The following PDE3A variants were observed in gnomAD, a reference collection of about 807,000 sequenced individuals.
PDE3A encodes the protein phosphodiesterase 3A, also known as cGMP-inhibited 3',5'-cyclic phosphodiesterase 3A.
A neutral mutation model predicts 98.3 loss-of-function variants in PDE3A; 43 were observed. The ratio of observed to expected loss-of-function variants is 0.44; its 90% CI spans 0.34 to 0.56. PDE3A has a LOEUF of 0.56. PDE3A is among the 20% of genes least tolerant of loss of function. The pLI, the probability that PDE3A is intolerant of heterozygous loss-of-function variation, is 0.01. For synonymous variants in PDE3A, 663 were observed against 567.9 expected (o/e 1.17, Z -2.38); for missense variants, 1,427 against 1,440.7 (o/e 0.99, Z 0.15).
At chr12:20,419,825 G>T (rs934709730) in intron 1 of PDE3A, among the ~76,000 whole-genome samples, 1 of 142,172 alleles carries the variant, frequency 7.0e-6, no homozygotes, top group Non-Finnish European at 1.5e-5. Context: ...TGCAACATCT[G>T]CCTCCGAGGT....
chr12:20,609,549 C>A (rs1943796536), intron 2 of PDE3A, among the ~76,000 whole-genome samples: 1 of 151,948 alleles, frequency 6.6e-6, no homozygotes, highest in Admixed American at 6.6e-5. Context: ...TAGAAAAATG[C>A]AATCCTAAAA....
intron 1 of PDE3A, among the ~76,000 whole-genome samples, chr12:20,455,815 T>C (rs1945143424): frequency 6.6e-6 from 1 of 152,044 alleles, no homozygotes; most frequent in African/African-American, 2.4e-5. Context: ...GTCTAAGAGG[T>C]GGAGAGTAGA....
In PDE3A at chr12:20,668,476, T is replaced by G. The variant is rs1020488667; in HGVS notation, c.3185-11554T>G. Among the ~76,000 whole-genome samples the G allele has an allele frequency of 3.9e-5, 6 of 152,112 alleles. No individual in the cohort carries two copies. The East Asian group carries it at 5.8e-4, about 15-fold the overall frequency. ...CTGACAGCTTTGAAGAGAGCAGTGG[T>G]TCTCCCAGCATGCAGCTGGAGATCT... On this transcript the variant is annotated intron_variant, in intron 15 of 15. Transcript: ENST00000359062.
rs10841517 is a variant in PDE3A, at chr12:20,422,129, T to A, written c.960+51885T>A. Among the ~76,000 whole-genome samples, 36 of 152,100 alleles carry A rather than the reference T, an allele frequency of 2.4e-4. No individual in the cohort carries two copies. In the East Asian group the frequency reaches 2.9e-3, roughly 12 times the overall value. ...TGGGAGGCCGAGGTGGGCGGATCACTAGGTCAGGAGATCGAGACCATCCTG... is the reference window on the plus strand; with the variant it reads ...TGGGAGGCCGAGGTGGGCGGATCACAAGGTCAGGAGATCGAGACCATCCTG... On this transcript the variant is annotated intron_variant, in intron 1 of 15. Coordinates refer to ENST00000359062, the MANE Select transcript of PDE3A (RefSeq NM_000921.5).
intron 2 of PDE3A, among the ~76,000 whole-genome samples, chr12:20,597,395 A>C (rs2121396681): frequency 6.6e-6 from 1 of 152,280 alleles, no homozygotes; most frequent in East Asian, 1.9e-4. Context: ...ATAGGGGCTC[A>C]AGATTTTGAG....
At chr12:20,391,020 G>C (rs1943903977) in intron 1 of PDE3A, among the ~76,000 whole-genome samples, 1 of 151,894 alleles carries the variant, frequency 6.6e-6, no homozygotes, top group South Asian at 2.1e-4. Context: ...TTCAGCTTCT[G>C]TGTAACCCTC....
chr12:20,396,579 A>G (rs1377464428), intron 1 of PDE3A, among the ~76,000 whole-genome samples: 17 of 152,278 alleles, frequency 1.1e-4, no homozygotes, highest in African/African-American at 3.6e-4. Flanking sequence ...ACTAGCTTAG[A>G]TGATTGAGTA....
intron 1 of PDE3A, chr12:20,371,619 C>A: frequency 5.7e-6 from 1 of 174,002 alleles, no homozygotes; most frequent in Non-Finnish European, 1.1e-5. Context: ...CATTATTGAG[C>A]AGAGTAGATG....
At chr12:20,564,696 A>G (rs1044976908) in intron 2 of PDE3A, among the ~76,000 whole-genome samples, 1 of 152,170 alleles carries the variant, frequency 6.6e-6, no homozygotes, top group Non-Finnish European at 1.5e-5. Context: ...CTCTTAAAAG[A>G]ACATTGATGA....
chr12:20,638,220 T>A (rs1476868033), intron 9 of PDE3A, among the ~76,000 whole-genome samples: 1 of 152,172 alleles, frequency 6.6e-6, no homozygotes, highest in Non-Finnish European at 1.5e-5. Context: ...AATGTGGAAC[T>A]TCGTTTGGGG....
intron 15 of PDE3A, among the ~76,000 whole-genome samples, chr12:20,669,091 C>T (rs368975179): frequency 8.6e-5 from 13 of 150,998 alleles, no homozygotes; most frequent in South Asian, 8.3e-4. Flanking sequence ...CTGGAAGAAA[C>T]GGTATCAGCG....
intron 2 of PDE3A, among the ~76,000 whole-genome samples, chr12:20,573,082 TA>T (rs944337427): frequency 6.6e-6 from 1 of 152,080 alleles, no homozygotes; most frequent in Admixed American, 6.6e-5. Flanking sequence ...ACTTTGATGG[TA>T]AGTTTTTCGT....
chr12:20,384,087 A>T (rs1943705268), intron 1 of PDE3A, among the ~76,000 whole-genome samples: 1 of 151,978 alleles, frequency 6.6e-6, no homozygotes, highest in Admixed American at 6.6e-5. Flanking sequence ...GAGGACAGAC[A>T]GAGAGTTCCT....
At chr12:20,615,981 C>A (rs1303767452) in intron 3 of PDE3A, among the ~76,000 whole-genome samples, 1 of 152,108 alleles carries the variant, frequency 6.6e-6, no homozygotes, top group Non-Finnish European at 1.5e-5. Context: ...GCCTTGGCCT[C>A]CCAAAGTGCT....
chr12:20,558,520 G>A (rs950524915), intron 2 of PDE3A, among the ~76,000 whole-genome samples: 1 of 151,530 alleles, frequency 6.6e-6, no homozygotes, highest in Non-Finnish European at 1.5e-5. Flanking sequence ...CAACTCAGAT[G>A]AAAACTGTCA....
intron 1 of PDE3A, among the ~76,000 whole-genome samples, chr12:20,402,359 G>A (rs1944148641): frequency 6.6e-6 from 1 of 151,948 alleles, no homozygotes; most frequent in Non-Finnish European, 1.5e-5. Flanking sequence ...ATGTTGGCCA[G>A]ACTGGTCTCG....
chr12:20,481,317 C>A (rs1016745867), intron 1 of PDE3A, among the ~76,000 whole-genome samples: 1 of 152,066 alleles, frequency 6.6e-6, no homozygotes, highest in Non-Finnish European at 1.5e-5. Flanking sequence ...AGGATTTTAG[C>A]CCTTCATAGA....
At position 20,552,827 on chromosome 12, in the gene PDE3A, G is replaced by A. The variant is rs1942252499; in HGVS notation, c.961-3833G>A. ...ATCTGCTGTCAGGAGCTGGTGTTCC[G>A]GCCCATCACGACCGTGTGCCAGCAC... On this transcript the variant is annotated intron_variant, in intron 1 of 15. Coordinates refer to ENST00000359062, the MANE Select transcript of PDE3A (RefSeq NM_000921.5). This position sits in a 1 kb window ranked among gnomAD's most constrained non-coding sequence, Gnocchi z 5.1. The A allele has an allele frequency of 3.1e-6, 5 of 1,613,914 alleles. No individual in the cohort carries two copies. Among genetic ancestry groups the A allele is most frequent in the Non-Finnish European group, 4.2e-6 (5 of 1,179,862 alleles).
chr12:20,517,251 C>T (rs998338631), intron 1 of PDE3A, among the ~76,000 whole-genome samples: 8 of 152,164 alleles, frequency 5.3e-5, no homozygotes, highest in Non-Finnish European at 7.3e-5. Context: ...TTTGATTTAA[C>T]AACTAAGTTG....
Sources: gnomAD v4.1 joint callset for allele counts (sites outside exome capture counted in the v4.1 genomes callset) on GRCh38, gnomAD v4.1.1 for gene constraint, Gnocchi (gnomAD v3.1) non-coding constraint, MANE v1.5 for transcripts, NCBI Gene and HGNC (gene_info 2026-07-23, HGNC 2026-07-21) for gene names.